TMTC1: variants seen among roughly 807,000 people sequenced by gnomAD.
TMTC1 encodes transmembrane O-mannosyltransferase targeting cadherins 1.
TMTC1 carries 73 observed loss-of-function variants against 104.8 expected under a neutral mutation model. That is an observed-to-expected ratio of 0.70 (90% CI 0.58 to 0.85). The LOEUF (loss-of-function observed/expected upper bound fraction) is 0.85, where lower values mean the gene tolerates loss of function less well. Ranked by LOEUF, TMTC1 falls within the 40% of genes least tolerant of loss-of-function variation. The pLI is 0.00. For synonymous variants in TMTC1, 434 were observed against 428.7 expected (o/e 1.01, Z -0.15); for missense variants, 1,035 against 1,096.1 (o/e 0.94, Z 0.79).
At chr12:29,513,577 C>T (rs943996845) in intron 16 of TMTC1, among the ~76,000 whole-genome samples, 1 of 152,224 alleles carries the variant, frequency 6.6e-6, no homozygotes, top group African/African-American at 2.4e-5. Flanking sequence ...TTTCCCAACA[C>T]AATTGTATCA....
chr12:29,766,798 C>T (rs989877438), intron 2 of TMTC1, among the ~76,000 whole-genome samples: 5 of 152,048 alleles, frequency 3.3e-5, no homozygotes, highest in African/African-American at 1.2e-4. Context: ...ACTGTGGTGC[C>T]CATGGACCTC....
chr12:29,579,067 T>C (rs998310260), intron 8 of TMTC1, among the ~76,000 whole-genome samples: 36 of 152,168 alleles, frequency 2.4e-4, no homozygotes, highest in African/African-American at 8.7e-4. Flanking sequence ...GATTAAGACC[T>C]TTTTGTAAGG....
At position 29,504,112 on chromosome 12, in the gene TMTC1, A is replaced by G. The variant is rs1231929602; in HGVS notation, c.*2734T>C. 6.6e-6 allele frequency: 1 copy of G among 151,936 alleles called. No homozygotes were observed. Among genetic ancestry groups the G allele is most frequent in the Non-Finnish European group, 1.5e-5 (1 of 68,012 alleles). The allele number at this position is 151,936 out of a possible 1,614,324, so 9.4% of individuals were successfully genotyped here. A position where few individuals can be genotyped will look rare whatever the true frequency, so the allele number is the denominator to read the frequency against. On this transcript the variant is annotated 3_prime_UTR_variant, in exon 18 of 18. Transcript: ENST00000539277. ...GTCTCAAAAAAATAAATAAGAAAAA[A>G]TCAAACAGACATTCAACTGAGCTCG...
chr12:29,514,097 C>T (rs1943915738), intron 16 of TMTC1, among the ~76,000 whole-genome samples: 1 of 152,030 alleles, frequency 6.6e-6, no homozygotes, highest in Non-Finnish European at 1.5e-5. Context: ...GAAATCTCAT[C>T]CTCCAAGTCA....
At chr12:29,711,864 G>A (rs900724652) in intron 5 of TMTC1, among the ~76,000 whole-genome samples, 18 of 151,734 alleles carry the variant, frequency 1.2e-4, no homozygotes, top group South Asian at 2.1e-4. Context: ...AAAATTAGCC[G>A]AGCATGGTGG....
chr12:29,581,454 C>T (rs148245506), intron 8 of TMTC1, among the ~76,000 whole-genome samples: 178 of 152,198 alleles, frequency 1.2e-3, no homozygotes, highest in African/African-American at 4.1e-3. Context: ...TCTTTAAGCA[C>T]GAATGTGGAA....
chr12:29,592,462 T>A (rs931101093), intron 7 of TMTC1, among the ~76,000 whole-genome samples: 1 of 152,202 alleles, frequency 6.6e-6, no homozygotes, highest in African/African-American at 2.4e-5. Context: ...TATATATATT[T>A]CTCCATGAGA....
intron 1 of TMTC1, among the ~76,000 whole-genome samples, chr12:29,777,384 G>A (rs79876443): frequency 0.014 from 2,098 of 152,154 alleles, 53 homozygotes; most frequent in African/African-American, 0.046. Context: ...ATGAGCCACC[G>A]TGCCCGACCT....
intron 7 of TMTC1, among the ~76,000 whole-genome samples, chr12:29,592,301 T>C (rs866514865): frequency 1.4e-4 from 21 of 152,240 alleles, no homozygotes; most frequent in South Asian, 2.1e-4. Flanking sequence ...AAACATTCAA[T>C]GGTTGGAGAA....
At chr12:29,680,158 A>G (rs1038352118) in intron 5 of TMTC1, among the ~76,000 whole-genome samples, 4 of 152,168 alleles carry the variant, frequency 2.6e-5, no homozygotes, top group African/African-American at 9.7e-5. Context: ...TGTACCATCA[A>G]TGAGATTAAG....
Position 29,604,245 on chromosome 12 carries a change from T to G in TMTC1, c.1183A>C (p.Ile395Leu). The change falls in exon 7 of 18, where the codon ATT (isoleucine) becomes CTT (leucine). Residue 395 changes from isoleucine (I) to leucine (L), a missense_variant. Coordinates refer to ENST00000539277, the MANE Select transcript of TMTC1 (RefSeq NM_001193451.2). ...CTGAAGAAGAGGTTGCTGGCTGGAA[T>G]GAACGGGAACACCAGGAACAACAAG... ...VGLLFLVFPF[I>L]PASNLFFRVG... 1 of 1,614,038 alleles carries G rather than the reference T, an allele frequency of 6.2e-7. No homozygotes were observed. Among genetic ancestry groups the G allele is most frequent in the East Asian group, 2.2e-5 (1 of 44,864 alleles).
intron 6 of TMTC1, among the ~76,000 whole-genome samples, chr12:29,624,569 A>G (rs1208502653): frequency 6.6e-6 from 1 of 152,104 alleles, no homozygotes; most frequent in African/African-American, 2.4e-5. Context: ...TGGGTCTAGT[A>G]CTTTCCTGCC....
chr12:29,695,989 A>G (rs540021755), intron 5 of TMTC1, among the ~76,000 whole-genome samples: 1 of 151,696 alleles, frequency 6.6e-6, no homozygotes, highest in Admixed American at 6.6e-5. Flanking sequence ...GAATTTTCCA[A>G]ATTTTTCTCT....
intron 9 of TMTC1, among the ~76,000 whole-genome samples, chr12:29,562,536 T>C (rs1945402675): frequency 6.6e-6 from 1 of 152,208 alleles, no homozygotes; most frequent in African/African-American, 2.4e-5. Context: ...GGTGAACATA[T>C]TAACCTTTCT....
At chr12:29,694,489 AGTT>A (rs1941356283) in intron 5 of TMTC1, among the ~76,000 whole-genome samples, 1 of 152,180 alleles carries the variant, frequency 6.6e-6, no homozygotes, top group South Asian at 2.1e-4. Context: ...CTATGCAAAT[AGTT>A]GTTATACTGT....
chr12:29,534,808 A>G (rs1321282633), intron 11 of TMTC1: 1 of 152,188 alleles, frequency 6.6e-6, no homozygotes, highest in Non-Finnish European at 1.5e-5. Context: ...ACGGTGGCAG[A>G]AAGTCCATAA....
At chr12:29,690,474 A>G (rs1284536010) in intron 5 of TMTC1, among the ~76,000 whole-genome samples, 1 of 152,228 alleles carries the variant, frequency 6.6e-6, no homozygotes, top group Non-Finnish European at 1.5e-5. Context: ...TGGTTCATAA[A>G]CTGGGACTAA....
chr12:29,689,910 C>T (rs2219764), intron 5 of TMTC1, among the ~76,000 whole-genome samples: 1 of 152,042 alleles, frequency 6.6e-6, no homozygotes, highest in Non-Finnish European at 1.5e-5. Context: ...ATTATAACAA[C>T]TGTGTGTTCC....
chr12:29,766,627 T>C (rs565344042), intron 2 of TMTC1, among the ~76,000 whole-genome samples: 2 of 152,288 alleles, frequency 1.3e-5, no homozygotes, highest in Admixed American at 1.3e-4. Flanking sequence ...ACACAAGGTA[T>C]TCCTTAACTT....
Sources: gnomAD v4.1 joint callset for allele counts (sites outside exome capture counted in the v4.1 genomes callset) on GRCh38, gnomAD v4.1.1 for gene constraint, MANE v1.5 for transcripts, NCBI Gene and HGNC (gene_info 2026-07-23, HGNC 2026-07-21) for gene names.